The following CACNA1D variants were observed in gnomAD, a reference collection of about 807,000 sequenced individuals.
CACNA1D encodes voltage-dependent L-type calcium channel subunit alpha-1D.
In CACNA1D, 55 loss-of-function variants were observed where a neutral mutation model predicts 257.1. That is an observed-to-expected ratio of 0.21 (90% CI 0.17 to 0.27). The LOEUF (loss-of-function observed/expected upper bound fraction) is 0.27. CACNA1D is among the 10% of genes least tolerant of loss of function. The pLI is 1.00. For missense variants in CACNA1D, 1,876 were observed against 2,784.0 expected (o/e 0.67, Z 7.34); for synonymous variants, 980 against 1,014.9 (o/e 0.97, Z 0.65).
At chr3:53,758,160 G>A (rs1446872357) in intron 29 of CACNA1D, among the ~76,000 whole-genome samples, 1 of 152,170 alleles carries the variant, frequency 6.6e-6, no homozygotes, top group East Asian at 1.9e-4. Context: ...GCAGAGTGGA[G>A]CACATCTTCC....
At chr3:53,691,875 CATATA>C (rs1402730745) in intron 8 of CACNA1D, among the ~76,000 whole-genome samples, 13 of 51,856 alleles carry the variant, frequency 2.5e-4, no homozygotes, top group East Asian at 1.2e-3. Flanking sequence ...ATATATATTA[CATATA>C]ATATATATTA....
At chr3:53,576,489 TCTCCATC>T (rs1479021011) in intron 3 of CACNA1D, among the ~76,000 whole-genome samples, 11 of 152,182 alleles carry the variant, frequency 7.2e-5, no homozygotes, top group African/African-American at 2.7e-4. Context: ...AACACAAGAA[TCTCCATC>T]CTCCATCAGA....
chr3:53,506,741 G>A (rs1404338340), intron 3 of CACNA1D, among the ~76,000 whole-genome samples: 2 of 152,164 alleles, frequency 1.3e-5, no homozygotes, highest in African/African-American at 2.4e-5. Flanking sequence ...TTTAATTTCA[G>A]GAGTATATCT....
chr3:53,732,711 G>C, intron 18 of CACNA1D, 104 bp from the exon 19 acceptor site: 1 of 1,005,240 alleles, frequency 9.9e-7, no homozygotes, highest in African/African-American at 1.6e-5. Flanking sequence ...TAAGCAGGTA[G>C]ATGTTGTTAA....
chr3:53,640,305 G>A (rs1057127901), intron 3 of CACNA1D, among the ~76,000 whole-genome samples: 2 of 152,202 alleles, frequency 1.3e-5, no homozygotes, highest in African/African-American at 4.8e-5. Flanking sequence ...CTGAGCCATT[G>A]GGATGGGATG....
rs574061240 is a variant in CACNA1D at position 53,574,676 on chromosome 3, C to A, written c.483+72956C>A. Among the ~76,000 whole-genome samples, 362 of 151,770 alleles carry A rather than the reference C, an allele frequency of 2.4e-3. 3 individuals carry two copies. The highest frequency in any genetic ancestry group is 8.0e-3 in the South Asian group (38 of 4,770). ...CTCCCCCACCCCCAGCACACTCACACCCCCCAGCAGACGGGAACATTCTCA... is the reference window on the plus strand; with the variant it reads ...CTCCCCCACCCCCAGCACACTCACAACCCCCAGCAGACGGGAACATTCTCA... On this transcript the variant is annotated intron_variant, in intron 3 of 47. Coordinates refer to ENST00000350061, the MANE Select transcript of CACNA1D (RefSeq NM_001128840.3).
intron 3 of CACNA1D, among the ~76,000 whole-genome samples, chr3:53,634,038 G>C (rs1424782437): frequency 6.6e-6 from 1 of 152,134 alleles, no homozygotes; most frequent in African/African-American, 2.4e-5. Flanking sequence ...AAGCTTTCGT[G>C]GCCCTTCATG....
In CACNA1D at chr3:53,494,976, G is replaced by GTT; in HGVS notation, c.-182_-181dup. ...AAAGAGAGAGCTTGGGTGGCGAGCG[G>GTT]TTTTTTTTTTAAATCAATTATCCTT... is the stretch of plus-strand genomic sequence containing the variant. On this transcript the variant is annotated 5_prime_UTR_variant, in exon 1 of 48. Transcript: ENST00000350061. 1 of 597,128 alleles carries GTT rather than the reference G, an allele frequency of 1.7e-6. No individual in the cohort carries two copies. The highest frequency in any genetic ancestry group is 3.0e-6 in the Non-Finnish European group (1 of 333,512). The allele number at this position is 597,128 out of a possible 1,614,324, so 37.0% of individuals were successfully genotyped here.
chr3:53,531,142 G>T (rs2091937319), intron 3 of CACNA1D, among the ~76,000 whole-genome samples: 1 of 150,840 alleles, frequency 6.6e-6, no homozygotes, highest in Non-Finnish European at 1.5e-5. Flanking sequence ...ATGAGCCACT[G>T]TGCCCAGCCT....
chr3:53,608,593 G>A (rs1004156718), intron 3 of CACNA1D, among the ~76,000 whole-genome samples: 3 of 152,208 alleles, frequency 2.0e-5, no homozygotes, highest in Non-Finnish European at 4.4e-5. Context: ...TCACCGTTAA[G>A]TATGATGCTA....
intron 3 of CACNA1D, among the ~76,000 whole-genome samples, chr3:53,593,135 A>G (rs972759827): frequency 1.3e-5 from 2 of 152,182 alleles, no homozygotes; most frequent in African/African-American, 4.8e-5. Context: ...GAACTGAACC[A>G]GCTAGGACCA....
intron 3 of CACNA1D, among the ~76,000 whole-genome samples, chr3:53,573,410 C>T (rs1385455656): frequency 1.3e-5 from 2 of 152,184 alleles, no homozygotes; most frequent in Non-Finnish European, 2.9e-5. Context: ...CTTGCTCGGC[C>T]TTCTTTTAAG....
chr3:53,767,854 C>A (rs569409640), intron 30 of CACNA1D, among the ~76,000 whole-genome samples: 2 of 152,334 alleles, frequency 1.3e-5, no homozygotes, highest in Admixed American at 6.5e-5. Context: ...AGCAGCCCCC[C>A]ATGCCCAGTG....
chr3:53,597,319 G>A (rs2093383119), intron 3 of CACNA1D, among the ~76,000 whole-genome samples: 1 of 152,224 alleles, frequency 6.6e-6, no homozygotes, highest in African/African-American at 2.4e-5. Flanking sequence ...TGATAGCTGG[G>A]ATGGAAGAAA....
intron 29 of CACNA1D, among the ~76,000 whole-genome samples, chr3:53,760,204 G>A (rs1341867962): frequency 6.6e-6 from 1 of 152,158 alleles, no homozygotes; most frequent in Non-Finnish European, 1.5e-5. Flanking sequence ...CGAAGTCAGT[G>A]TCGTAGCTCC....
intron 3 of CACNA1D, among the ~76,000 whole-genome samples, chr3:53,588,574 G>A (rs1246034203): frequency 6.6e-6 from 1 of 152,184 alleles, no homozygotes; most frequent in African/African-American, 2.4e-5. Context: ...TGTGCCCCTT[G>A]TGTCAGTGTC....
intron 9 of CACNA1D, among the ~76,000 whole-genome samples, chr3:53,708,093 C>CT (rs926261413): frequency 6.6e-6 from 1 of 152,228 alleles, no homozygotes; most frequent in African/African-American, 2.4e-5. Flanking sequence ...AGCTGCCTCT[C>CT]TTTTGCATGT....
chr3:53,543,454 GGT>G, intron 3 of CACNA1D, among the ~76,000 whole-genome samples: 1 of 152,166 alleles, frequency 6.6e-6, no homozygotes, highest in East Asian at 1.9e-4. Context: ...CTCTTTGGTA[GGT>G]GTGTGGGAAT....
intron 8 of CACNA1D, among the ~76,000 whole-genome samples, chr3:53,677,497 C>T (rs1049041117): frequency 6.6e-6 from 1 of 152,234 alleles, no homozygotes; most frequent in Non-Finnish European, 1.5e-5. Context: ...ATATCCTTAT[C>T]TTAAATCCGT....
Sources: gnomAD v4.1 joint callset for allele counts (sites outside exome capture counted in the v4.1 genomes callset) on GRCh38, gnomAD v4.1.1 for gene constraint, MANE v1.5 for transcripts, NCBI Gene and HGNC (gene_info 2026-07-23, HGNC 2026-07-21) for gene names.